SHC3: variants seen among roughly 807,000 people sequenced by gnomAD.
SHC3 encodes the protein SHC adaptor protein 3.
Under a neutral mutation model 60.4 loss-of-function variants are expected in SHC3, and 15 were observed. The ratio of observed to expected loss-of-function variants is 0.25; its 90% CI spans 0.17 to 0.38. The LOEUF is 0.38. Ranked by LOEUF, SHC3 falls within the 10% of genes least tolerant of loss-of-function variation. The pLI is 1.00. For missense variants in SHC3, 677 were observed against 786.1 expected (o/e 0.86, Z 1.66); for synonymous variants, 294 against 325.9 (o/e 0.90, Z 1.05).
At chr9:89,065,631 ACAC>A in intron 5 of SHC3, 51 bp from the exon 6 acceptor site, 1 of 1,584,044 alleles carries the variant, frequency 6.3e-7, no homozygotes, top group Non-Finnish European at 8.7e-7. Context: ...GTGAGAGACC[ACAC>A]AGTCAGGGAC....
intron 5 of SHC3, 36 bp from the exon 6 acceptor site, chr9:89,065,616 C>G (rs3818668): frequency 0.75 from 1,205,178 of 1,609,956 alleles, 459,195 homozygotes; most frequent in East Asian, 0.97. Flanking sequence ...TGTCACTAAT[C>G]ACAAGTGAGA....
At position 89,010,004 on chromosome 9, in the gene SHC3, C is replaced by G. The variant is rs928922353; in HGVS notation, c.*3443G>C. ...CCTTTAGGGTCCACCCTTCCCTAGG[C>G]CTGTCCTTCCTTTTAAGTTAGGACT... On this transcript the variant is annotated 3_prime_UTR_variant, in exon 12 of 12. Transcript: ENST00000375835. 2.6e-5 allele frequency: 4 copies of G among 152,240 alleles called. No individual in the cohort carries two copies. Among genetic ancestry groups the G allele is most frequent in the African/African-American group, 9.6e-5 (4 of 41,468 alleles). The allele number at this position is 152,240 out of a possible 1,614,324, so 9.4% of individuals were successfully genotyped here.
At chr9:89,125,448 T>TA (rs2118151080) in intron 1 of SHC3, among the ~76,000 whole-genome samples, 1 of 152,230 alleles carries the variant, frequency 6.6e-6, no homozygotes, top group South Asian at 2.1e-4. Context: ...TAAGTCTAAG[T>TA]ATCTCACACA....
chr9:89,099,988 T>C (rs1214990356), intron 2 of SHC3, among the ~76,000 whole-genome samples: 1 of 152,218 alleles, frequency 6.6e-6, no homozygotes, highest in Non-Finnish European at 1.5e-5. Context: ...GCATTTCCTA[T>C]GTTTCCCATC....
chr9:89,056,733 G>A lies in SHC3; in HGVS notation c.836-4570C>T, dbSNP rs771661518. Among the ~76,000 whole-genome samples the A allele has an allele frequency of 1.2e-3, 182 of 152,344 alleles. 1 individual carries two copies. The highest frequency in any genetic ancestry group is 4.2e-3 in the African/African-American group (173 of 41,584). On this transcript the variant is annotated intron_variant, in intron 6 of 11. Transcript: ENST00000375835. ...CATCCTGCCCTTCCTCTGCTATTAC[G>A]GGCTAAGATCGTCCTGTTTCCAGAT...
At chr9:89,126,756 G>A (rs1173371739) in intron 1 of SHC3, among the ~76,000 whole-genome samples, 1 of 152,018 alleles carries the variant, frequency 6.6e-6, no homozygotes, top group African/African-American at 2.4e-5. Flanking sequence ...GTAAAGTTTT[G>A]ATTCATTGGA....
chr9:89,046,669 A>C (rs1156703146), intron 8 of SHC3, among the ~76,000 whole-genome samples, 175 bp downstream of exon 8: 1 of 152,190 alleles, frequency 6.6e-6, no homozygotes, highest in East Asian at 1.9e-4. Context: ...TATGATGTTA[A>C]CCCAAAGCCT....
chr9:89,053,067 A>G (rs1468664401), intron 6 of SHC3, among the ~76,000 whole-genome samples: 1 of 152,198 alleles, frequency 6.6e-6, no homozygotes, highest in Non-Finnish European at 1.5e-5. Flanking sequence ...CTCCAGACCC[A>G]CTTCCACCGT....
At chr9:89,072,323 G>A (rs1335893943) in intron 4 of SHC3, among the ~76,000 whole-genome samples, 1 of 152,076 alleles carries the variant, frequency 6.6e-6, no homozygotes, top group Non-Finnish European at 1.5e-5. Context: ...TCTTCCAGAA[G>A]GAATCTGTCT....
At chr9:89,100,173 C>G (rs967926463) in intron 2 of SHC3, among the ~76,000 whole-genome samples, 18 of 152,172 alleles carry the variant, frequency 1.2e-4, no homozygotes, top group African/African-American at 4.3e-4. Flanking sequence ...ACACTTAGAA[C>G]TGATCCAAGA....
chr9:89,075,342 T>C (rs889161020), intron 3 of SHC3, 114 bp from the exon 4 acceptor site: 91 of 1,375,262 alleles, frequency 6.6e-5, no homozygotes, highest in Non-Finnish European at 8.7e-5. Context: ...TCCTTAGGCA[T>C]AAGAAGACAA....
At chr9:89,093,078 C>T (rs1263333053) in intron 2 of SHC3, among the ~76,000 whole-genome samples, 1 of 152,156 alleles carries the variant, frequency 6.6e-6, no homozygotes, top group African/African-American at 2.4e-5. Context: ...TGTGGACATA[C>T]ATTTTTATTG....
At chr9:89,068,254 A>G (rs1317357351) in intron 5 of SHC3, among the ~76,000 whole-genome samples, 1 of 152,166 alleles carries the variant, frequency 6.6e-6, no homozygotes, top group East Asian at 1.9e-4. Context: ...TGGTCTTTTA[A>G]CACTGCTAAT....
At chr9:89,125,258 C>A (rs537882337) in intron 1 of SHC3, among the ~76,000 whole-genome samples, 30 of 152,202 alleles carry the variant, frequency 2.0e-4, no homozygotes, top group African/African-American at 7.0e-4. Context: ...TCTGCCTGTA[C>A]GAGACATCTA....
In SHC3 at chr9:89,014,110, A is replaced by T. The variant is rs547220689; in HGVS notation, c.1657-535T>A. 8.5e-5 allele frequency among the ~76,000 whole-genome samples: 13 copies of T among 152,280 alleles called. No homozygotes were observed. The South Asian group carries it at 2.5e-3, about 29-fold the overall frequency. On this transcript the variant is annotated intron_variant, in intron 11 of 11. Transcript: ENST00000375835. ...GGCACCCACCAGGGGCAAGCCTCACAGTTCCCCAGAGGAGCTCCTGTTGCC... is the reference window on the plus strand; with the variant it reads ...GGCACCCACCAGGGGCAAGCCTCACTGTTCCCCAGAGGAGCTCCTGTTGCC...
intron 11 of SHC3, among the ~76,000 whole-genome samples, chr9:89,026,933 T>G (rs1006646446): frequency 3.9e-5 from 6 of 152,182 alleles, no homozygotes; most frequent in African/African-American, 1.2e-4. Flanking sequence ...GGATCTCACT[T>G]CCTTTTCTAG....
chr9:89,142,787 C>T (rs1826413155), intron 1 of SHC3, among the ~76,000 whole-genome samples: 1 of 152,168 alleles, frequency 6.6e-6, no homozygotes, highest in South Asian at 2.1e-4. Context: ...CACATATATG[C>T]ACACCACTTG....
chr9:89,174,945 C>T (rs1336382347), intron 1 of SHC3, among the ~76,000 whole-genome samples: 1 of 152,218 alleles, frequency 6.6e-6, no homozygotes, highest in East Asian at 1.9e-4. Flanking sequence ...TTTGAACCTG[C>T]TAAAGACCAG....
intron 2 of SHC3, among the ~76,000 whole-genome samples, chr9:89,085,788 T>A (rs1825519692): frequency 6.6e-6 from 1 of 152,226 alleles, no homozygotes; most frequent in African/African-American, 2.4e-5. Context: ...ACAGGGCTCA[T>A]CAACCCTCAA....
Sources: gnomAD v4.1 joint callset for allele counts (sites outside exome capture counted in the v4.1 genomes callset) on GRCh38, gnomAD v4.1.1 for gene constraint, MANE v1.5 for transcripts, NCBI Gene and HGNC (gene_info 2026-07-23, HGNC 2026-07-21) for gene names.